Variants in FRMPD4 observed in about 807,000 individuals in gnomAD.
FRMPD4 encodes FERM and PDZ domain containing 4, also known as FERM and PDZ domain-containing protein 4.
In FRMPD4, 22 loss-of-function variants were observed where a neutral mutation model predicts 94.1. That is an observed-to-expected ratio of 0.23 (90% CI 0.17 to 0.33). FRMPD4 has a LOEUF of 0.33. Among genes scored for constraint, FRMPD4 ranks in the 10% least tolerant of loss-of-function variants. The pLI, the probability that FRMPD4 is intolerant of heterozygous loss-of-function variation, is 1.00. For missense variants in FRMPD4, 1,111 were observed against 1,339.9 expected (o/e 0.83, Z 2.67); for synonymous variants, 631 against 548.6 (o/e 1.15, Z -2.10).
chrX:12,396,404 G>A (rs1292548665), intron 1 of FRMPD4, among the ~76,000 whole-genome samples: 1 of 112,209 alleles, frequency 8.9e-6, no homozygotes. Flanking sequence ...ACATTTGATT[G>A]TAAGCATTTT....
At chrX:12,440,790 A>G (rs751387136) in intron 1 of FRMPD4, among the ~76,000 whole-genome samples, 2 of 110,419 alleles carry the variant, frequency 1.8e-5, no homozygotes, top group African/African-American at 6.7e-5. Context: ...AGTGCCCTAT[A>G]AACTTACTTA....
intron 1 of FRMPD4, among the ~76,000 whole-genome samples, chrX:12,348,589 GAAAAAA>G (rs35385075): frequency 1.2e-4 from 8 of 66,075 alleles, no homozygotes; most frequent in African/African-American, 4.5e-4. Context: ...ATGCTTCCAG[GAAAAAA>G]AAAAAAAAAA....
At chrX:12,329,457 G>C (rs2055337421) in intron 1 of FRMPD4, among the ~76,000 whole-genome samples, 1 of 111,493 alleles carries the variant, frequency 9.0e-6, no homozygotes, top group South Asian at 3.8e-4. Flanking sequence ...AGAGACAAGA[G>C]AGCAGCAGCA....
upstream of FRMPD4, among the ~76,000 whole-genome samples, chrX:12,135,902 G>T (rs1424873913): frequency 8.9e-6 from 1 of 111,906 alleles, no homozygotes; most frequent in African/African-American, 3.3e-5. Context: ...CCAATCACGA[G>T]CTGGTCTTGT....
At chrX:12,542,469 G>A (rs1158789823) in intron 2 of FRMPD4, among the ~76,000 whole-genome samples, 4 of 112,013 alleles carry the variant, frequency 3.6e-5, no homozygotes, top group African/African-American at 1.3e-4. Context: ...AATCATGAGT[G>A]AACTCCCATT....
At chrX:12,220,238 A>G (rs1318226838) in intron 1 of FRMPD4, among the ~76,000 whole-genome samples, 1 of 112,084 alleles carries the variant, frequency 8.9e-6, no homozygotes, top group Admixed American at 9.5e-5. Context: ...TTGGCATACT[A>G]CAGGGACTGT....
Position 12,149,798 on chromosome X carries a change from GAA to G in FRMPD4, c.41+10788_41+10789del, listed in dbSNP as rs371699731. 6.2e-4 allele frequency among the ~76,000 whole-genome samples: 70 copies of G among 112,003 alleles called. 1 individual carries two copies. Among genetic ancestry groups the G allele is most frequent in the African/African-American group, 2.2e-3 (68 of 30,837 alleles). On this transcript the variant is annotated intron_variant, in intron 1 of 16. Coordinates refer to ENST00000675598, the MANE Select transcript of FRMPD4 (RefSeq NM_001368397.1). ...CACATGCTACAGAGAAATCTTTCAT[GAA>G]AGAGTCAGTCAACACAGCAAACTTC...
intron 1 of FRMPD4, among the ~76,000 whole-genome samples, chrX:12,344,106 C>A (rs2055662853): frequency 9.0e-6 from 1 of 111,619 alleles, no homozygotes. Flanking sequence ...CTCTCAAGTC[C>A]CTTAGTACAC....
chrX:12,259,146 G>A (rs1435392715), intron 1 of FRMPD4, among the ~76,000 whole-genome samples: 1 of 111,880 alleles, frequency 8.9e-6, no homozygotes. Flanking sequence ...TTCTTCTTCA[G>A]TAAATGATAT....
At chrX:12,186,290 G>C (rs755506206) in intron 1 of FRMPD4, among the ~76,000 whole-genome samples, 23 of 111,558 alleles carry the variant, frequency 2.1e-4, no homozygotes, top group Non-Finnish European at 3.6e-4. Context: ...TCTTTCTACT[G>C]TCTGACCTTT....
At chrX:11,839,393 T>C (rs1482521161) in intron 1 of FRMPD4, among the ~76,000 whole-genome samples, 1 of 111,768 alleles carries the variant, frequency 8.9e-6, no homozygotes, top group Non-Finnish European at 1.9e-5. Flanking sequence ...GTATGTCTTT[T>C]TTGGTGAAGT....
chrX:12,084,178 G>GGA (rs2055086019), intron 3 of FRMPD4, among the ~76,000 whole-genome samples: 1 of 24,668 alleles, frequency 4.1e-5, no homozygotes, highest in African/African-American at 1.0e-4. Flanking sequence ...GGGACCCAGT[G>GGA]GGGGGGGGGG....
chrX:12,513,615 C>T lies in FRMPD4; in HGVS notation c.158+14819C>T, dbSNP rs144839824. On this transcript the variant is annotated intron_variant, in intron 2 of 16. Transcript: ENST00000675598. ...ACCAGTACCATGCTGTTTTGGTTAC[C>T]GTAGCCTTACAATATAGTTTGAAGT... Among the ~76,000 whole-genome samples the T allele has an allele frequency of 3.0e-3, 331 of 111,762 alleles. 2 individuals are homozygous for T. The highest frequency in any genetic ancestry group is 0.01 in the African/African-American group (314 of 30,802).
intron 1 of FRMPD4, among the ~76,000 whole-genome samples, chrX:12,390,087 C>T (rs771926805): frequency 1.8e-5 from 2 of 111,862 alleles, no homozygotes; most frequent in Non-Finnish European, 3.8e-5. Flanking sequence ...AGTTCTAATG[C>T]AGTTAACATG....
intron 3 of FRMPD4, among the ~76,000 whole-genome samples, chrX:12,085,933 AATT>A (rs1402089559): frequency 8.9e-6 from 1 of 112,401 alleles, no homozygotes; most frequent in Non-Finnish European, 1.9e-5. Context: ...ATCTTTTAAA[AATT>A]ATTTTCAAAC....
intron 3 of FRMPD4, among the ~76,000 whole-genome samples, chrX:12,058,330 A>T (rs1482379433): frequency 3.6e-5 from 4 of 111,746 alleles, no homozygotes; most frequent in African/African-American, 1.3e-4. Context: ...GGGGAAGTTT[A>T]GAGAACACCT....
chrX:11,951,133 C>T (rs751933478), intron 3 of FRMPD4, among the ~76,000 whole-genome samples: 4 of 105,093 alleles, frequency 3.8e-5, no homozygotes, highest in African/African-American at 1.4e-4. Context: ...AATGCTTATA[C>T]ACTATTGGTG....
chrX:12,082,712 C>G (rs1287426351), intron 3 of FRMPD4, among the ~76,000 whole-genome samples: 1 of 111,269 alleles, frequency 9.0e-6, no homozygotes, highest in African/African-American at 3.3e-5. Flanking sequence ...GTGATATGAA[C>G]AATAAGGTCC....
chrX:12,050,989 A>C (rs1351970496), intron 3 of FRMPD4, among the ~76,000 whole-genome samples: 1 of 111,824 alleles, frequency 8.9e-6, no homozygotes, highest in Non-Finnish European at 1.9e-5. Flanking sequence ...AGCAGGGAGG[A>C]TGAATGAGCC....
Sources: gnomAD v4.1 joint callset for allele counts (sites outside exome capture counted in the v4.1 genomes callset) on GRCh38, gnomAD v4.1.1 for gene constraint, MANE v1.5 for transcripts, NCBI Gene and HGNC (gene_info 2026-07-23, HGNC 2026-07-21) for gene names.